The following GRM8 variants were observed in gnomAD, a reference collection of about 807,000 sequenced individuals.
GRM8 encodes the protein metabotropic glutamate receptor 8.
Under a neutral mutation model 87.2 loss-of-function variants are expected in GRM8, and 47 were observed. The observed-to-expected ratio is 0.54, with a 90% CI of 0.43 to 0.69. GRM8 has a LOEUF of 0.69. Among genes scored for constraint, GRM8 ranks in the 30% least tolerant of loss-of-function variants. GRM8 has a pLI of 0.00. For missense variants in GRM8, 1,019 were observed against 1,139.2 expected (o/e 0.89, Z 1.52); for synonymous variants, 396 against 404.5 (o/e 0.98, Z 0.25).
chr7:126,616,413 A>G (rs1487605080), intron 7 of GRM8, among the ~76,000 whole-genome samples: 1 of 152,214 alleles, frequency 6.6e-6, no homozygotes, highest in Non-Finnish European at 1.5e-5. Context: ...AATGCCCACA[A>G]GAGAAAGCAG....
intron 7 of GRM8, among the ~76,000 whole-genome samples, chr7:126,667,607 G>A (rs1233488649): frequency 1.3e-5 from 2 of 152,188 alleles, no homozygotes; most frequent in African/African-American, 4.8e-5. Flanking sequence ...AAGATTCAAA[G>A]CTGAGGAGAA....
intron 2 of GRM8, among the ~76,000 whole-genome samples, chr7:127,181,819 C>G (rs897075025): frequency 6.6e-6 from 1 of 152,064 alleles, no homozygotes; most frequent in African/African-American, 2.4e-5. Flanking sequence ...GGATCCTCAT[C>G]TCTCACGTTA....
intron 3 of GRM8, among the ~76,000 whole-genome samples, chr7:127,030,511 T>A (rs1035443866): frequency 6.6e-6 from 1 of 152,142 alleles, no homozygotes; most frequent in South Asian, 2.1e-4. Flanking sequence ...ACCGTTGATA[T>A]GTATCAGTTT....
chr7:126,722,906 TTATA>T (rs1172612332), intron 7 of GRM8, among the ~76,000 whole-genome samples: 1 of 145,280 alleles, frequency 6.9e-6, no homozygotes, highest in Admixed American at 6.9e-5. Context: ...ATATATATAA[TTATA>T]TATATAATAT....
chr7:127,122,710 A>G (rs1827157548), intron 2 of GRM8, among the ~76,000 whole-genome samples: 1 of 152,130 alleles, frequency 6.6e-6, no homozygotes, highest in South Asian at 2.1e-4. Flanking sequence ...TTCTTTTGTA[A>G]ACAAATAAAT....
At chr7:127,134,371 C>G (rs926447192) in intron 2 of GRM8, among the ~76,000 whole-genome samples, 3 of 152,176 alleles carry the variant, frequency 2.0e-5, no homozygotes, top group African/African-American at 7.2e-5. Flanking sequence ...TCAATTTAAA[C>G]AGTCACATCT....
intron 6 of GRM8, among the ~76,000 whole-genome samples, chr7:126,825,507 G>A (rs987513613): frequency 8.5e-5 from 13 of 152,080 alleles, no homozygotes; most frequent in Non-Finnish European, 1.5e-4. Context: ...GCTAATAAGC[G>A]GCAGATTACC....
At chr7:126,584,327 C>T (rs1795893732) in intron 8 of GRM8, among the ~76,000 whole-genome samples, 1 of 151,974 alleles carries the variant, frequency 6.6e-6, no homozygotes, top group Admixed American at 6.6e-5. Context: ...TGGGTTCAAG[C>T]CATTCTCCTG....
chr7:127,244,595 C>T (rs779862122), intron 1 of GRM8, among the ~76,000 whole-genome samples: 1 of 152,172 alleles, frequency 6.6e-6, no homozygotes, highest in Non-Finnish European at 1.5e-5. Context: ...ATGCTCATTT[C>T]TAACCTATTT....
chr7:126,806,637 G>T (rs1389656003), intron 6 of GRM8, among the ~76,000 whole-genome samples: 1 of 152,246 alleles, frequency 6.6e-6, no homozygotes, highest in Non-Finnish European at 1.5e-5. Context: ...TAGCTAAACA[G>T]AAAAGTTCTC....
chr7:126,692,542 G>T (rs895649479), intron 7 of GRM8, among the ~76,000 whole-genome samples: 1 of 152,180 alleles, frequency 6.6e-6, no homozygotes, highest in Non-Finnish European at 1.5e-5. Flanking sequence ...CACATGGAAG[G>T]TGTGTTCAAT....
intron 1 of GRM8, among the ~76,000 whole-genome samples, chr7:127,247,196 C>G (rs1277132481): frequency 6.6e-6 from 1 of 152,166 alleles, no homozygotes; most frequent in Non-Finnish European, 1.5e-5. Context: ...TGCGGTTTGT[C>G]CAAACACTTC....
chr7:126,981,657 C>T (rs1179325605), intron 3 of GRM8: 7 of 152,152 alleles, frequency 4.6e-5, no homozygotes, highest in South Asian at 2.1e-4. Flanking sequence ...TTCTCAATAC[C>T]GACACACTGG....
intron 3 of GRM8, among the ~76,000 whole-genome samples, chr7:127,012,333 C>T (rs1369116474): frequency 6.6e-6 from 1 of 152,024 alleles, no homozygotes; most frequent in African/African-American, 2.4e-5. Context: ...ACCCGGTGTG[C>T]CCAATACTGT....
intron 8 of GRM8, among the ~76,000 whole-genome samples, chr7:126,551,441 T>C (rs1039757574): frequency 6.6e-6 from 1 of 152,172 alleles, no homozygotes. Context: ...CTTGTCTTTG[T>C]CAGAGGTCCC....
intron 6 of GRM8, among the ~76,000 whole-genome samples, chr7:126,831,039 C>T (rs1037782095): frequency 1.3e-5 from 2 of 152,210 alleles, no homozygotes; most frequent in African/African-American, 4.8e-5. Flanking sequence ...TCCACGAATG[C>T]TGCTGTCTGA....
At chr7:127,251,934 G>A (rs991751800) in intron 1 of GRM8, among the ~76,000 whole-genome samples, 7 of 152,182 alleles carry the variant, frequency 4.6e-5, no homozygotes, top group African/African-American at 1.7e-4. Context: ...CAAACTCGAG[G>A]CAGAGCGTGC....
intron 7 of GRM8, among the ~76,000 whole-genome samples, chr7:126,666,265 A>C (rs1478833715): frequency 1.3e-5 from 2 of 152,202 alleles, no homozygotes; most frequent in African/African-American, 4.8e-5. Flanking sequence ...AATTGTATTA[A>C]GACATGCTGA....
intron 3 of GRM8, among the ~76,000 whole-genome samples, chr7:127,068,211 G>A (rs962597896): frequency 2.0e-5 from 3 of 152,074 alleles, no homozygotes; most frequent in Non-Finnish European, 4.4e-5. Context: ...CAAAAGATGT[G>A]GGTGGTTTGA....
Sources: gnomAD v4.1 joint callset for allele counts (sites outside exome capture counted in the v4.1 genomes callset) on GRCh38, gnomAD v4.1.1 for gene constraint, MANE v1.5 for transcripts, NCBI Gene and HGNC (gene_info 2026-07-23, HGNC 2026-07-21) for gene names.